RALYL: variants seen among roughly 807,000 people sequenced by gnomAD.
RALYL encodes the protein RNA-binding Raly-like protein.
RALYL carries 29 observed loss-of-function variants against 35.1 expected under a neutral mutation model. The observed-to-expected ratio is 0.83, with a 90% CI of 0.61 to 1.13. The LOEUF (loss-of-function observed/expected upper bound fraction) is 1.13. Ranked by LOEUF, RALYL falls within the 50% of genes most tolerant of loss-of-function variation. The probability of loss-of-function intolerance (pLI) is 0.00; values close to 1 mark genes in which losing one functional copy is unlikely to be tolerated. For synonymous variants in RALYL, 120 were observed against 127.6 expected, an observed-to-expected ratio of 0.94 and a Z score of 0.40; for missense variants, 359 against 360.4, an observed-to-expected ratio of 1.00 and a Z score of 0.03.
chr8:84,687,906 T>C (rs1471483519), intron 2 of RALYL, among the ~76,000 whole-genome samples: 1 of 152,060 alleles, frequency 6.6e-6, no homozygotes, highest in Admixed American at 6.6e-5. Flanking sequence ...CATGATCCCA[T>C]CCACCTTTTT....
intron 1 of RALYL, among the ~76,000 whole-genome samples, chr8:84,316,760 A>G (rs1227149384): frequency 6.6e-6 from 1 of 152,134 alleles, no homozygotes; most frequent in Non-Finnish European, 1.5e-5. Context: ...ATCAGTCTCT[A>G]TTCTGACCGA....
intron 2 of RALYL, among the ~76,000 whole-genome samples, chr8:84,662,359 T>A (rs1420754586): frequency 6.6e-6 from 1 of 152,214 alleles, no homozygotes; most frequent in African/African-American, 2.4e-5. Flanking sequence ...TATTTGGATC[T>A]GTATTTGAAC....
At chr8:84,446,182 G>C (rs1011072278) in intron 1 of RALYL, among the ~76,000 whole-genome samples, 5 of 151,862 alleles carry the variant, frequency 3.3e-5, no homozygotes, top group African/African-American at 1.2e-4. Context: ...GCTCCTCTCT[G>C]TTTTTCTCTG....
intron 1 of RALYL, among the ~76,000 whole-genome samples, chr8:84,445,863 A>T (rs977360242): frequency 7.3e-5 from 11 of 151,422 alleles, no homozygotes; most frequent in Non-Finnish European, 1.2e-4. Flanking sequence ...ATAATTTTAT[A>T]TAATAATGTA....
chr8:84,675,483 A>G (rs1834018390), intron 2 of RALYL, among the ~76,000 whole-genome samples: 1 of 152,196 alleles, frequency 6.6e-6, no homozygotes, highest in Non-Finnish European at 1.5e-5. Flanking sequence ...TTTACTTCAA[A>G]AAGATAAAAA....
At chr8:84,475,932 T>C (rs920604338) in intron 1 of RALYL, among the ~76,000 whole-genome samples, 2 of 152,218 alleles carry the variant, frequency 1.3e-5, no homozygotes, top group African/African-American at 2.4e-5. Context: ...TTAATGTTGC[T>C]AAATGATATG....
intron 1 of RALYL, among the ~76,000 whole-genome samples, chr8:84,281,445 T>C (rs1664771024): frequency 1.3e-5 from 2 of 151,894 alleles, no homozygotes; most frequent in South Asian, 2.1e-4. Context: ...TTTTACAACA[T>C]ATGAATGAAA....
chr8:84,518,989 T>C (rs2058264042), intron 1 of RALYL, among the ~76,000 whole-genome samples: 1 of 152,176 alleles, frequency 6.6e-6, no homozygotes, highest in Admixed American at 6.5e-5. Context: ...TTTTATTCAG[T>C]GGAGGAATAA....
intron 4 of RALYL, among the ~76,000 whole-genome samples, chr8:84,833,408 C>A (rs1423205307): frequency 6.6e-6 from 1 of 151,906 alleles, no homozygotes; most frequent in African/African-American, 2.4e-5. Flanking sequence ...GAGGCCAAGG[C>A]GGCTAGATCA....
At chr8:84,459,565 A>G (rs566702342) in intron 1 of RALYL, among the ~76,000 whole-genome samples, 1 of 151,938 alleles carries the variant, frequency 6.6e-6, no homozygotes, top group South Asian at 2.1e-4. Flanking sequence ...CAACACCAGT[A>G]TATGTCCTTT....
intron 1 of RALYL, among the ~76,000 whole-genome samples, chr8:84,430,166 A>G (rs2046988780): frequency 6.6e-6 from 1 of 152,108 alleles, no homozygotes; most frequent in Non-Finnish European, 1.5e-5. Flanking sequence ...TATTAAATAT[A>G]TTGGTCAGAA....
chr8:84,282,866 G>A (rs1357923429), intron 1 of RALYL, among the ~76,000 whole-genome samples: 1 of 151,738 alleles, frequency 6.6e-6, no homozygotes, highest in African/African-American at 2.4e-5. Context: ...CAAACCAAAT[G>A]TTGGAACTTG....
intron 1 of RALYL, among the ~76,000 whole-genome samples, chr8:84,288,288 G>C (rs1393314308): frequency 6.6e-6 from 1 of 152,084 alleles, no homozygotes; most frequent in East Asian, 1.9e-4. Context: ...AATTCCCTAA[G>C]TTGATTCCAA....
intron 5 of RALYL, among the ~76,000 whole-genome samples, chr8:84,850,508 A>G (rs546772814): frequency 1.3e-5 from 2 of 152,356 alleles, no homozygotes; most frequent in South Asian, 2.1e-4. Flanking sequence ...AGACCATCCA[A>G]TGAGGAAAAA....
intron 1 of RALYL, among the ~76,000 whole-genome samples, chr8:84,362,363 T>C (rs575375090): frequency 1.3e-5 from 2 of 152,252 alleles, no homozygotes; most frequent in East Asian, 3.9e-4. Flanking sequence ...GCAATTTTTC[T>C]TATGGGATCA....
chr8:84,230,479 G>C (rs1406521966), intron 1 of RALYL, among the ~76,000 whole-genome samples: 6 of 152,018 alleles, frequency 3.9e-5, no homozygotes, highest in Non-Finnish European at 7.4e-5. Flanking sequence ...AATATCCTGT[G>C]AATAATGTGA....
rs181586729 is a variant in RALYL, at chr8:84,633,231, T to C, written c.256+103654T>C. On this transcript the variant is annotated intron_variant, in intron 2 of 8. Coordinates refer to ENST00000521268, the MANE Select transcript of RALYL (RefSeq NM_173848.7). The stretch of plus-strand genomic sequence containing the variant: ...TATACTATGTTTGTATTATTCAGAA[T>C]GTCCTGGTTCAGCAATAGAGTTTAT... 2.6e-5 allele frequency among the ~76,000 whole-genome samples: 4 copies of C among 152,028 alleles called. No individual in the cohort carries two copies. In the East Asian group the frequency reaches 7.8e-4, roughly 29 times the overall value.
chr8:84,812,248 C>T (rs1404543224), intron 4 of RALYL, among the ~76,000 whole-genome samples: 6 of 152,156 alleles, frequency 3.9e-5, no homozygotes, highest in African/African-American at 1.4e-4. Flanking sequence ...GTGAGCCGAA[C>T]TACACTGATT....
At chr8:84,368,224 T>C (rs1854913271) in intron 1 of RALYL, among the ~76,000 whole-genome samples, 1 of 152,172 alleles carries the variant, frequency 6.6e-6, no homozygotes, top group African/African-American at 2.4e-5. Context: ...AGCGCTATTC[T>C]CTCCCTCTTT....
Sources: gnomAD v4.1 joint callset for allele counts (sites outside exome capture counted in the v4.1 genomes callset) on GRCh38, gnomAD v4.1.1 for gene constraint, MANE v1.5 for transcripts, NCBI Gene and HGNC (gene_info 2026-07-23, HGNC 2026-07-21) for gene names.